The following FMNL2 variants were observed in gnomAD, a reference collection of about 807,000 sequenced individuals.
The protein encoded by FMNL2 is formin like 2, also known as formin-like protein 2.
FMNL2 carries 51 observed loss-of-function variants against 130.2 expected under a neutral mutation model. The ratio of observed to expected loss-of-function variants is 0.39; its 90% CI spans 0.31 to 0.49. The LOEUF is 0.49. FMNL2 is among the 20% of genes least tolerant of loss of function. The pLI is 0.85. For synonymous variants in FMNL2, 465 were observed against 467.1 expected (o/e 1.00, Z 0.06); for missense variants, 977 against 1,316.2 (o/e 0.74, Z 3.99).
In FMNL2 at chr2:152,375,877, C is replaced by CTATATATATATATATATATATA. The variant is rs61564333; in HGVS notation, c.117+40177_117+40178insTATATATATATATATATATATA. Among the ~76,000 whole-genome samples the CTATATATATATATATATATATA allele has an allele frequency of 1.2e-4, 14 of 112,476 alleles. No homozygotes were observed. In the East Asian group the frequency reaches 2.7e-3, roughly 22 times the overall value. The allele number at this position is 112,476 out of a possible 152,430, so 73.8% of individuals were successfully genotyped here. ...TCTCTCTCTCTCTCTCTCTCTCTCT[C>CTATATATATATATATATATATA]TATATATATATATATATATAATTAT... On this transcript the variant is annotated intron_variant, in intron 1 of 25. Coordinates refer to ENST00000288670, the MANE Select transcript of FMNL2 (RefSeq NM_052905.4).
chr2:152,407,141 G>A (rs539278660), intron 1 of FMNL2, among the ~76,000 whole-genome samples: 52 of 151,830 alleles, frequency 3.4e-4, no homozygotes, highest in Middle Eastern at 3.4e-3. Flanking sequence ...TTATACTTAT[G>A]TTGATGTTAA....
At chr2:152,496,202 T>A (rs1258634365) in intron 1 of FMNL2, among the ~76,000 whole-genome samples, 2 of 152,186 alleles carry the variant, frequency 1.3e-5, no homozygotes, top group Admixed American at 1.3e-4. Context: ...TGCATTTAGT[T>A]GTTATGTCTC....
intron 1 of FMNL2, among the ~76,000 whole-genome samples, chr2:152,412,455 TATATATATATATATATA>T (rs1686355944): frequency 1.4e-4 from 1 of 7,064 alleles, no homozygotes; most frequent in Non-Finnish European, 3.7e-4. Context: ...TTTATATATA[TATATATATATATATATA>T]TATATATATA....
chr2:152,469,196 T>G (rs1431892520), intron 1 of FMNL2, among the ~76,000 whole-genome samples: 2 of 152,202 alleles, frequency 1.3e-5, no homozygotes, highest in African/African-American at 4.8e-5. Context: ...CCTCCTGGCT[T>G]CTTTTGCCTT....
intron 18 of FMNL2, 21 bp downstream of exon 18, chr2:152,628,554 A>AG: frequency 6.3e-7 from 1 of 1,594,576 alleles, no homozygotes; most frequent in Non-Finnish European, 8.6e-7. Context: ...TGACTCTGGC[A>AG]GGGGAGGGGG....
chr2:152,378,462 A>C (rs1292889522), intron 1 of FMNL2, among the ~76,000 whole-genome samples: 2 of 152,206 alleles, frequency 1.3e-5, no homozygotes, highest in African/African-American at 4.8e-5. Context: ...GGCTGGCTTC[A>C]TCTGGATACA....
intron 25 of FMNL2, among the ~76,000 whole-genome samples, chr2:152,644,734 G>GATC (rs1683392275): frequency 6.6e-6 from 1 of 152,160 alleles, no homozygotes; most frequent in Admixed American, 6.5e-5. Flanking sequence ...TTTCTTCTGT[G>GATC]ATCAGATCAT....
At chr2:152,639,217 T>C (rs1430760719) in intron 23 of FMNL2, among the ~76,000 whole-genome samples, 1 of 152,202 alleles carries the variant, frequency 6.6e-6, no homozygotes, top group Non-Finnish European at 1.5e-5. Context: ...CCCTCTCATA[T>C]AGACCAAAAT....
At chr2:152,385,321 G>C (rs1342415812) in intron 1 of FMNL2, among the ~76,000 whole-genome samples, 1 of 152,238 alleles carries the variant, frequency 6.6e-6, no homozygotes, top group Non-Finnish European at 1.5e-5. Context: ...CCCATTCATA[G>C]AAGGCAGTTT....
intron 20 of FMNL2, among the ~76,000 whole-genome samples, chr2:152,631,615 C>T (rs559564543): frequency 1.3e-5 from 2 of 151,968 alleles, no homozygotes; most frequent in African/African-American, 4.8e-5. Context: ...CAGAGTGGTG[C>T]GCAATTCAAA....
chr2:152,412,499 TATAA>T (rs1686376127), intron 1 of FMNL2, among the ~76,000 whole-genome samples: 1 of 86,730 alleles, frequency 1.2e-5, no homozygotes, highest in Non-Finnish European at 2.2e-5. Flanking sequence ...TATATATATA[TATAA>T]ATTAGAAAAA....
At chr2:152,367,020 T>C (rs1683594546) in intron 1 of FMNL2, among the ~76,000 whole-genome samples, 1 of 151,794 alleles carries the variant, frequency 6.6e-6, no homozygotes, top group African/African-American at 2.4e-5. Flanking sequence ...TGAGCAATGG[T>C]TTTATTTTGC....
In FMNL2 at chr2:152,569,509, G is replaced by A. The variant is rs995213027; in HGVS notation, c.597-5627G>A. Among the ~76,000 whole-genome samples, 10 of 151,986 alleles carry A rather than the reference G, an allele frequency of 6.6e-5. No individual in the cohort carries two copies. The East Asian group carries it at 1.9e-3, about 29-fold the overall frequency. On this transcript the variant is annotated intron_variant, in intron 6 of 25. Coordinates refer to ENST00000288670, the MANE Select transcript of FMNL2 (RefSeq NM_052905.4). ...GAGTACTAAATAGGAAATGTTCTGT[G>A]TAGATTTCTTAAAAGATATTTGCTT...
intron 1 of FMNL2, among the ~76,000 whole-genome samples, chr2:152,349,758 G>A (rs1015721112): frequency 2.0e-5 from 3 of 151,108 alleles, no homozygotes; most frequent in Non-Finnish European, 4.5e-5. Context: ...TGAATTCTGA[G>A]TGTTCAGAAA....
At chr2:152,620,834 T>C in intron 15 of FMNL2, 1 of 753,586 alleles carries the variant, frequency 1.3e-6, no homozygotes, top group Non-Finnish European at 1.6e-6. Context: ...ATCCATGGTT[T>C]TACTTCCACC....
At chr2:152,415,932 G>T (rs1686586592) in intron 1 of FMNL2, among the ~76,000 whole-genome samples, 1 of 152,178 alleles carries the variant, frequency 6.6e-6, no homozygotes, top group Non-Finnish European at 1.5e-5. Flanking sequence ...TCTTTATCCA[G>T]ATAAGTGCAA....
chr2:152,388,618 A>G (rs1579544557), intron 1 of FMNL2, among the ~76,000 whole-genome samples: 2 of 152,156 alleles, frequency 1.3e-5, no homozygotes, highest in East Asian at 3.9e-4. Flanking sequence ...CATATCAACC[A>G]TATTCTGCCT....
At chr2:152,594,607 C>T (rs749868485) in intron 9 of FMNL2, among the ~76,000 whole-genome samples, 3 of 152,200 alleles carry the variant, frequency 2.0e-5, no homozygotes, top group South Asian at 2.1e-4. Context: ...TACCACCGCA[C>T]GAGGTACTGT....
chr2:152,393,980 A>G (rs938731055), intron 1 of FMNL2, among the ~76,000 whole-genome samples: 1 of 152,196 alleles, frequency 6.6e-6, no homozygotes, highest in African/African-American at 2.4e-5. Context: ...AACCATTCTT[A>G]GCTCACGGGC....
Sources: gnomAD v4.1 joint callset for allele counts (sites outside exome capture counted in the v4.1 genomes callset) on GRCh38, gnomAD v4.1.1 for gene constraint, MANE v1.5 for transcripts, NCBI Gene and HGNC (gene_info 2026-07-23, HGNC 2026-07-21) for gene names.